CFAP95: variants seen among roughly 807,000 people sequenced by gnomAD.
CFAP95 encodes the protein cilia and flagella associated protein 95, also known as cilia- and flagella-associated protein 95.
chr9:69,846,706 G>C, the CFAP95 span, among the ~76,000 whole-genome samples: 1 of 152,190 alleles, frequency 6.6e-6, no homozygotes, highest in South Asian at 2.1e-4. Context: ...TCACATGCCA[G>C]GTGTGAGGCT....
At chr9:69,895,369 C>CTCTCTGTGTGTG in the CFAP95 span, among the ~76,000 whole-genome samples, 184 of 107,894 alleles carry the variant, frequency 1.7e-3, no homozygotes, top group South Asian at 5.2e-3. Context: ...CTCTCTCTCT[C>CTCTCTGTGTGTG]TGTGTGTGTG....
the CFAP95 span, among the ~76,000 whole-genome samples, chr9:69,858,542 T>G: frequency 1.3e-5 from 2 of 152,176 alleles, no homozygotes; most frequent in Non-Finnish European, 2.9e-5. Flanking sequence ...AGAAAACACA[T>G]GTGTTAGACA....
chr9:69,863,506 A>G, the CFAP95 span, among the ~76,000 whole-genome samples: 1 of 152,114 alleles, frequency 6.6e-6, no homozygotes, highest in Non-Finnish European at 1.5e-5. Context: ...ATTTGAAAGT[A>G]CTCTTTATGA....
At chr9:69,898,983 T>G in the CFAP95 span, among the ~76,000 whole-genome samples, 1 of 152,198 alleles carries the variant, frequency 6.6e-6, no homozygotes, top group Non-Finnish European at 1.5e-5. Flanking sequence ...TTGTCCTCAG[T>G]TAGCTGTGTA....
At chr9:69,821,251 G>A in the CFAP95 span, among the ~76,000 whole-genome samples, 38 of 151,722 alleles carry the variant, frequency 2.5e-4, no homozygotes, top group Non-Finnish European at 4.0e-4. Context: ...ATGGGAAGGA[G>A]GAAAAGAGAG....
At chr9:69,868,073 C>G in the CFAP95 span, among the ~76,000 whole-genome samples, 1 of 152,094 alleles carries the variant, frequency 6.6e-6, no homozygotes, top group Admixed American at 6.6e-5. Context: ...GATATTAAGC[C>G]TATAGGTATA....
At chr9:69,842,356 T>C in the CFAP95 span, among the ~76,000 whole-genome samples, 2 of 152,124 alleles carry the variant, frequency 1.3e-5, no homozygotes, top group Admixed American at 1.3e-4. Context: ...ATTCTTGGCA[T>C]TGTGGCACCA....
chr9:69,889,574 A>G, the CFAP95 span, among the ~76,000 whole-genome samples: 1 of 152,158 alleles, frequency 6.6e-6, no homozygotes, highest in Non-Finnish European at 1.5e-5. Flanking sequence ...GCCCTAGCCC[A>G]CCAAATTATT....
the CFAP95 span, among the ~76,000 whole-genome samples, chr9:69,851,696 G>C: frequency 6.6e-6 from 1 of 152,032 alleles, no homozygotes; most frequent in East Asian, 1.9e-4. Context: ...ATTTCTGCTA[G>C]AGACAGGAAA....
chr9:69,843,952 C>A, the CFAP95 span, among the ~76,000 whole-genome samples: 5 of 151,884 alleles, frequency 3.3e-5, no homozygotes, highest in Non-Finnish European at 7.4e-5. Flanking sequence ...TATTCTTAAT[C>A]ACTCTTTTAA....
chr9:69,889,416 T>C, the CFAP95 span, among the ~76,000 whole-genome samples: 1 of 152,212 alleles, frequency 6.6e-6, no homozygotes, highest in Non-Finnish European at 1.5e-5. Context: ...AGAACTGGTC[T>C]TTGAGATATT....
the CFAP95 span, among the ~76,000 whole-genome samples, chr9:69,899,782 G>A: frequency 2.0e-5 from 3 of 152,164 alleles, no homozygotes; most frequent in African/African-American, 7.2e-5. Context: ...AAAACTCTGG[G>A]CACTGAGTCT....
the CFAP95 span, among the ~76,000 whole-genome samples, chr9:69,836,646 C>A: frequency 2.7e-5 from 4 of 147,956 alleles, no homozygotes; most frequent in Non-Finnish European, 4.5e-5. Flanking sequence ...ATCCAAATTC[C>A]TATGAGGGTA....
the CFAP95 span, among the ~76,000 whole-genome samples, chr9:69,829,768 A>G: frequency 2.0e-5 from 3 of 152,204 alleles, no homozygotes; most frequent in African/African-American, 4.8e-5. Context: ...CATTTTGATA[A>G]GGAGAAGTTC....
chr9:69,895,740 A>G, the CFAP95 span, among the ~76,000 whole-genome samples: 1 of 152,146 alleles, frequency 6.6e-6, no homozygotes, highest in Non-Finnish European at 1.5e-5. Flanking sequence ...TTCTTTTAGT[A>G]GAGAGATACC....
At chr9:69,838,448 A>T in the CFAP95 span, among the ~76,000 whole-genome samples, 1 of 151,234 alleles carries the variant, frequency 6.6e-6, no homozygotes, top group Non-Finnish European at 1.5e-5. Flanking sequence ...GGTCCTTCAC[A>T]TCCCTTGTAA....
chr9:69,906,156 C>T, the CFAP95 span: 1 of 1,559,154 alleles, frequency 6.4e-7, no homozygotes, highest in Non-Finnish European at 8.7e-7. Flanking sequence ...ATAGAATCAG[C>T]ATCTCTGACT....
chr9:69,855,993 G>A, the CFAP95 span, among the ~76,000 whole-genome samples: 3 of 152,068 alleles, frequency 2.0e-5, no homozygotes, highest in Non-Finnish European at 4.4e-5. Context: ...AGTTTTGTAT[G>A]GAGAAAATAT....
chr9:69,894,439 CAAGGAAAG>C, the CFAP95 span, among the ~76,000 whole-genome samples: 1 of 151,978 alleles, frequency 6.6e-6, no homozygotes, highest in African/African-American at 2.4e-5. Context: ...AGCAAGGAAA[CAAGGAAAG>C]GAGGGAGGAC....
Sources: allele counts gnomAD v4.1 joint callset (sites outside exome capture counted in the v4.1 genomes callset), GRCh38; gene constraint gnomAD v4.1.1; transcripts MANE v1.5; gene names NCBI Gene and HGNC (gene_info 2026-07-23, HGNC 2026-07-21).